Variants in EIF2AK1 observed in about 807,000 individuals in gnomAD.
EIF2AK1 encodes eukaryotic translation initiation factor 2-alpha kinase 1.
A neutral mutation model predicts 77.9 loss-of-function variants in EIF2AK1; 54 were observed. The observed-to-expected ratio is 0.69, with a 90% CI of 0.56 to 0.87. EIF2AK1 has a LOEUF of 0.87. Ranked by LOEUF, EIF2AK1 falls within the 40% of genes least tolerant of loss-of-function variation. EIF2AK1 has a pLI of 0.00. For synonymous variants in EIF2AK1, 314 were observed against 290.5 expected, an observed-to-expected ratio of 1.08 and a Z score of -0.82; for missense variants, 810 against 768.6, an observed-to-expected ratio of 1.05 and a Z score of -0.64.
chr7:6,034,167 C>A (rs927682215), intron 11 of EIF2AK1, among the ~76,000 whole-genome samples: 3 of 151,726 alleles, frequency 2.0e-5, no homozygotes, highest in Non-Finnish European at 2.9e-5. Context: ...ACTAGCCAGG[C>A]GTGGTGGCGG....
Position 6,033,806 on chromosome 7 carries a change from T to G in EIF2AK1, c.1332+3618A>C, listed in dbSNP as rs984829778. On this transcript the variant is annotated intron_variant, in intron 11 of 14. Coordinates refer to ENST00000199389, the MANE Select transcript of EIF2AK1 (RefSeq NM_014413.4). This position sits in a 1 kb window ranked among gnomAD's most constrained non-coding sequence, Gnocchi z 4.4. ...GGATAGTCTCAATCTCCTGACCTCG[T>G]GATCCGTCCACCTCAGCCTCCCAAA... Among the ~76,000 whole-genome samples the G allele has an allele frequency of 2.0e-5, 3 of 151,644 alleles. No individual in the cohort carries two copies. The highest frequency in any genetic ancestry group is 7.3e-5 in the African/African-American group (3 of 41,316).
chr7:6,049,916 C>T lies in EIF2AK1; in HGVS notation c.407G>A (p.Arg136His), dbSNP rs200737688. Residue 136 changes from arginine (R) to histidine (H), a missense_variant, in exon 3 of 15, where the codon CGT becomes CAT. Around this residue, in one of 3 missense-constraint regions of EIF2AK1, gnomAD observed 246 missense variants for 199.0 expected, o/e 1.24. Transcript: ENST00000199389. Reference sequence around the variant, plus strand: ...AGTATATTTTTTAGGGCTTACCTGACGAACTCTCTCTTTAGCAGACCTCAT... The same window carrying T: ...AGTATATTTTTTAGGGCTTACCTGATGAACTCTCTCTTTAGCAGACCTCAT... ...HLMRSAKERV[R>H]QDPCEDISRI... The T allele has an allele frequency of 3.3e-5, 53 of 1,608,348 alleles. No individual in the cohort carries two copies. The East Asian group carries it at 7.6e-4, about 23-fold the overall frequency.
chr7:6,028,379 G>A (rs1019265807), intron 13 of EIF2AK1, among the ~76,000 whole-genome samples: 3 of 152,040 alleles, frequency 2.0e-5, no homozygotes, highest in Non-Finnish European at 4.4e-5. Context: ...AGCCTCCAGA[G>A]TAGCTGGGAC....
At position 6,033,514 on chromosome 7, in the gene EIF2AK1, C is replaced by G. The variant is rs1041874567; in HGVS notation, c.1332+3910G>C. 2.0e-5 allele frequency among the ~76,000 whole-genome samples: 3 copies of G among 152,106 alleles called. No homozygotes were observed. The highest frequency in any genetic ancestry group is 7.2e-5 in the African/African-American group (3 of 41,390). ...TGTGAGGAATGCAGTAAAGTCCTTGCCATGGCCTTCAATAAGTTTAACCAC... is the reference window on the plus strand; with the variant it reads ...TGTGAGGAATGCAGTAAAGTCCTTGGCATGGCCTTCAATAAGTTTAACCAC... On this transcript the variant is annotated intron_variant, in intron 11 of 14. Transcript: ENST00000199389. The surrounding 1 kb of genome is among the most constrained non-coding windows in gnomAD (Gnocchi z 4.4).
chr7:6,050,899 G>A (rs932103018), intron 2 of EIF2AK1, among the ~76,000 whole-genome samples: 5 of 151,924 alleles, frequency 3.3e-5, no homozygotes, highest in Admixed American at 1.3e-4. Context: ...CACTGCACCC[G>A]GCCTATAATT....
At chr7:6,046,329 G>T in intron 5 of EIF2AK1, 178 bp from the exon 6 acceptor site, 1 of 372,754 alleles carries the variant, frequency 2.7e-6, no homozygotes, top group Non-Finnish European at 4.8e-6. Flanking sequence ...TTCAGATAGT[G>T]TTGGAAGTCT....
chr7:6,052,881 T>C (rs1350405346), intron 2 of EIF2AK1, among the ~76,000 whole-genome samples: 1 of 152,010 alleles, frequency 6.6e-6, no homozygotes, highest in African/African-American at 2.4e-5. Context: ...GAGAATCACT[T>C]GAACCCGGGG....
In EIF2AK1 at chr7:6,025,484, C is replaced by T. The variant is rs185498833; in HGVS notation, c.1765-683G>A. Among the ~76,000 whole-genome samples the T allele has an allele frequency of 9.2e-5, 14 of 152,114 alleles. No individual in the cohort carries two copies. In the South Asian group the frequency reaches 1.0e-3, roughly 11 times the overall value. On this transcript the variant is annotated intron_variant, in intron 14 of 14. Coordinates refer to ENST00000199389, the MANE Select transcript of EIF2AK1 (RefSeq NM_014413.4). ...GCTTGTAACTCTTAGAGTAGACAGG[C>T]GGTGGGGAGTCAACCTGCTTACGTG...
intron 1 of EIF2AK1, among the ~76,000 whole-genome samples, chr7:6,056,317 G>A (rs1377824958): frequency 2.8e-5 from 4 of 140,660 alleles, no homozygotes; most frequent in Admixed American, 7.3e-5. Context: ...AAAAAAGGCC[G>A]GGTACGGTGG....
rs1394715419 is a variant in EIF2AK1, at chr7:6,035,889, C to A, written c.1332+1535G>T. 2 of 1,546,760 alleles carry A rather than the reference C, an allele frequency of 1.3e-6. No individual in the cohort carries two copies. The highest frequency in any genetic ancestry group is 1.7e-6 in the Non-Finnish European group (2 of 1,144,556). ...TGCATCAAGCAAAGCAGGCCGACTCCTCGGGGCGGGGGTCAGCTGCATCCG... is the reference window on the plus strand; with the variant it reads ...TGCATCAAGCAAAGCAGGCCGACTCATCGGGGCGGGGGTCAGCTGCATCCG... On this transcript the variant is annotated intron_variant, in intron 11 of 14. Transcript: ENST00000199389. The surrounding 1 kb of genome is among the most constrained non-coding windows in gnomAD (Gnocchi z 5.5).
At chr7:6,055,342 CAAAAAAAAAAAA>C (rs58804557) in intron 1 of EIF2AK1, among the ~76,000 whole-genome samples, 4 of 70,222 alleles carry the variant, frequency 5.7e-5, no homozygotes, top group Admixed American at 2.0e-4. Context: ...AACTCCGTCT[CAAAAAAAAAAAA>C]AAAAAAAAAG....
At chr7:6,053,119 A>G (rs761980248) in intron 2 of EIF2AK1, among the ~76,000 whole-genome samples, 2 of 152,174 alleles carry the variant, frequency 1.3e-5, no homozygotes, top group South Asian at 2.1e-4. Context: ...AATCATTAAT[A>G]TTTATTTCAC....
At position 6,040,936 on chromosome 7, in the gene EIF2AK1, C is replaced by T. The variant is rs761998240; in HGVS notation, c.1075G>A (p.Glu359Lys). 3.1e-6 allele frequency: 5 copies of T among 1,613,982 alleles called. No homozygotes were observed. The highest frequency in any genetic ancestry group is 4.5e-5 in the East Asian group (2 of 44,898). The stretch of plus-strand genomic sequence containing the variant: ...TTGACATTTTCTTCGGAAGATTCTT[C>T]GGTGGATGTGAAACTCTCCTCTAGG... ...SHLEESFTST[E>K]ESSEENVNFL... is the part of the protein sequence containing the mutation. Residue 359 changes from glutamate (E) to lysine (K), a missense_variant, in exon 9 of 15, where the codon GAA (glutamate) becomes AAA (lysine). Physicochemically the swap from Glu to Lys is moderately conservative, Grantham distance 56. This residue lies in a region of EIF2AK1 where 549 missense variants were observed against 533.7 expected (regional missense o/e 1.03). Coordinates refer to ENST00000199389, the MANE Select transcript of EIF2AK1 (RefSeq NM_014413.4).
Position 6,028,989 on chromosome 7 carries a change from A to G in EIF2AK1, c.1376T>C (p.Ile459Thr). ...TGTGCAGGCCAGACCAAAGTCTCCT[A>G]TTTTTACTTGCTGATCAGGGCCATG... ...FLHGPDQQVK[I>T]GDFGLACTDI... is the part of the protein sequence containing the mutation. The change falls in exon 12 of 15, where the codon ATA becomes ACA. Residue 459 changes from isoleucine to threonine, a missense_variant. Physicochemically the swap from Ile to Thr is moderately conservative, Grantham distance 89. Transcript: ENST00000199389. 1.2e-6 allele frequency: 2 copies of G among 1,612,972 alleles called. No individual in the cohort carries two copies. The highest frequency in any genetic ancestry group is 1.7e-6 in the Non-Finnish European group (2 of 1,179,826).
chr7:6,048,924 T>C (rs1788519660), intron 3 of EIF2AK1, 80 bp from the exon 4 acceptor site: 1 of 930,214 alleles, frequency 1.1e-6, no homozygotes, highest in East Asian at 2.5e-5. Flanking sequence ...CAATATCACA[T>C]TAACAACCCC....
At chr7:6,055,592 G>A (rs1454735786) in intron 1 of EIF2AK1, among the ~76,000 whole-genome samples, 1 of 150,798 alleles carries the variant, frequency 6.6e-6, no homozygotes, top group Non-Finnish European at 1.5e-5. Flanking sequence ...CACTGTATGA[G>A]ACCATGCAGA....
chr7:6,028,027 C>T (rs1295652968), intron 13 of EIF2AK1: 4 of 439,810 alleles, frequency 9.1e-6, no homozygotes, highest in Non-Finnish European at 1.8e-5. Flanking sequence ...GACACCACTG[C>T]AATCCAACCT....
In EIF2AK1 at chr7:6,046,979, C is replaced by A. The variant is rs41282676; in HGVS notation, c.549+13G>T. On this transcript the variant is annotated intron_variant, in intron 5 of 14. Coordinates refer to ENST00000199389, the MANE Select transcript of EIF2AK1 (RefSeq NM_014413.4). ...TTAGGGTAGTAGGTCAAAACAAGTA[C>A]GTGGAAGACAACCTTGTATACTCTT... The A allele has an allele frequency of 1.3e-6, 2 of 1,588,032 alleles. No homozygotes were observed. The highest frequency in any genetic ancestry group is 1.7e-6 in the Non-Finnish European group (2 of 1,164,216).
intron 4 of EIF2AK1, among the ~76,000 whole-genome samples, chr7:6,048,586 T>C (rs1247214040): frequency 1.3e-5 from 2 of 152,132 alleles, no homozygotes; most frequent in East Asian, 3.9e-4. Context: ...GAATTAACAG[T>C]GTGACCATGG....
Sources: allele counts gnomAD v4.1 joint callset (sites outside exome capture counted in the v4.1 genomes callset), GRCh38; gene constraint gnomAD v4.1.1; regional missense constraint gnomAD v4.1.1; non-coding constraint Gnocchi (gnomAD v3.1); transcripts MANE v1.5; gene names NCBI Gene and HGNC (gene_info 2026-07-23, HGNC 2026-07-21).